The following AGXT2 variants were observed in gnomAD, a reference collection of about 807,000 sequenced individuals.
AGXT2 encodes alanine--glyoxylate aminotransferase 2, mitochondrial.
AGXT2 carries 61 observed loss-of-function variants against 62.5 expected under a neutral mutation model. The ratio of observed to expected loss-of-function variants is 0.98; its 90% CI spans 0.79 to 1.21. The LOEUF (loss-of-function observed/expected upper bound fraction) is 1.21. Ranked by LOEUF, AGXT2 falls within the 50% of genes most tolerant of loss-of-function variation. The probability of loss-of-function intolerance (pLI) is 0.00; values close to 1 mark genes in which losing one functional copy is unlikely to be tolerated. For missense variants in AGXT2, 666 were observed against 641.5 expected, an observed-to-expected ratio of 1.04 and a Z score of -0.41; for synonymous variants, 243 against 218.7, an observed-to-expected ratio of 1.11 and a Z score of -0.98.
intron 7 of AGXT2, among the ~76,000 whole-genome samples, chr5:35,029,502 T>C (rs1342277060): frequency 6.6e-6 from 1 of 152,222 alleles, no homozygotes; most frequent in Non-Finnish European, 1.5e-5. Flanking sequence ...CATTGACTCA[T>C]TGATGTAACC....
chr5:35,039,249 G>T, intron 3 of AGXT2, 75 bp downstream of exon 3: 1 of 1,503,494 alleles, frequency 6.7e-7, no homozygotes, highest in Non-Finnish European at 9.3e-7. Flanking sequence ...CAAATCAAGA[G>T]TTCAGAGTCA....
rs1767640082 is a variant in AGXT2 at position 35,033,345 on chromosome 5, C to T, written c.675+115G>A. The T allele has an allele frequency of 4.7e-6, 4 of 848,934 alleles. No homozygotes were observed. In the East Asian group the frequency reaches 1.0e-4, roughly 22 times the overall value. The allele number at this position is 848,934 out of a possible 1,614,324, so 52.6% of individuals were successfully genotyped here. A position where few individuals can be genotyped will look rare whatever the true frequency, so the allele number is the denominator to read the frequency against. On this transcript the variant is annotated intron_variant, in intron 6 of 13. Coordinates refer to ENST00000231420, the MANE Select transcript of AGXT2 (RefSeq NM_031900.4). ...AATTCAATTAGGTCAAATTGAGCCCCTGATTAATGACAGGCTTTATATTAG... is the reference window on the plus strand; with the variant it reads ...AATTCAATTAGGTCAAATTGAGCCCTTGATTAATGACAGGCTTTATATTAG...
chr5:35,016,527 C>A (rs754709700), intron 9 of AGXT2, among the ~76,000 whole-genome samples: 3 of 152,254 alleles, frequency 2.0e-5, no homozygotes, highest in South Asian at 4.2e-4. Context: ...GCAGCCCAAA[C>A]GTCTGTGGTC....
chr5:35,016,490 G>C (rs766297877), intron 9 of AGXT2, among the ~76,000 whole-genome samples: 1 of 152,114 alleles, frequency 6.6e-6, no homozygotes, highest in African/African-American at 2.4e-5. Flanking sequence ...ATTGTAACCT[G>C]ACCAAGGATG....
chr5:35,037,576 G>A (rs40199), intron 3 of AGXT2, among the ~76,000 whole-genome samples: 130,128 of 149,158 alleles, frequency 0.87, 57,074 homozygotes, highest in Middle Eastern at 0.91. Flanking sequence ...GGTTCTCACT[G>A]TGTTGCCTAG....
rs769505977 is a variant in AGXT2 at position 35,013,943 on chromosome 5, T to C, written c.1096+44A>G. On this transcript the variant is annotated intron_variant, in intron 10 of 13. Coordinates refer to ENST00000231420, the MANE Select transcript of AGXT2 (RefSeq NM_031900.4). ...ACACACGTGTTATACCATAGCCCAA[T>C]GTACGAGGCCCAGAAGCAAACACAA... 6.2e-6 allele frequency: 10 copies of C among 1,613,488 alleles called. No homozygotes were observed. The South Asian group carries it at 9.9e-5, about 16-fold the overall frequency.
rs75411474 is a variant in AGXT2, at chr5:35,009,355, G to A, written c.1338+645C>T. On this transcript the variant is annotated intron_variant, in intron 12 of 13. Transcript: ENST00000231420. ...TCATGCCTGTAATCTTAGTACTTCA[G>A]GAGGCCACGGTGGGCAGATAACTTG... is the stretch of plus-strand genomic sequence containing the variant. Among the ~76,000 whole-genome samples, 8 of 152,126 alleles carry A rather than the reference G, an allele frequency of 5.3e-5. No individual in the cohort carries two copies. The East Asian group carries it at 1.5e-3, about 29-fold the overall frequency.
intron 9 of AGXT2, among the ~76,000 whole-genome samples, chr5:35,015,555 G>A (rs767020606): frequency 2.7e-4 from 41 of 152,240 alleles, no homozygotes; most frequent in Non-Finnish European, 3.5e-4. Context: ...GCACTTAAAA[G>A]AGTGAGCTTC....
At chr5:35,006,055 A>G (rs1485494486) in intron 12 of AGXT2, among the ~76,000 whole-genome samples, 9 of 152,092 alleles carry the variant, frequency 5.9e-5, no homozygotes, top group African/African-American at 2.2e-4. Flanking sequence ...ACGTTTGGCA[A>G]TTTCCTTTTA....
intron 3 of AGXT2, 127 bp from the exon 4 acceptor site, chr5:35,037,192 A>G: frequency 2.9e-6 from 4 of 1,396,308 alleles, no homozygotes; most frequent in Non-Finnish European, 2.9e-6. Flanking sequence ...TTATTTACAC[A>G]TGAGAATAAA....
intron 9 of AGXT2, among the ~76,000 whole-genome samples, chr5:35,016,050 C>T (rs1298493034): frequency 1.3e-5 from 2 of 152,094 alleles, no homozygotes; most frequent in African/African-American, 2.4e-5. Context: ...CCTGGGTTGC[C>T]TCCTTCCTAC....
chr5:35,032,663 G>T, intron 7 of AGXT2, 69 bp downstream of exon 7: 1 of 1,316,004 alleles, frequency 7.6e-7, no homozygotes, highest in Non-Finnish European at 1.1e-6. Flanking sequence ...CCTCAGGGAT[G>T]GGTCTGCCTT....
intron 11 of AGXT2, among the ~76,000 whole-genome samples, chr5:35,011,458 T>TAAA (rs11358241): frequency 2.5e-5 from 3 of 119,780 alleles, no homozygotes; most frequent in African/African-American, 3.1e-5. Context: ...AGACTCTTTC[T>TAAA]AAAAAAAAAA....
intron 7 of AGXT2, chr5:35,027,214 G>A (rs1315234066): frequency 6.3e-6 from 1 of 159,004 alleles, no homozygotes; most frequent in Non-Finnish European, 1.3e-5. Flanking sequence ...AATGTTTAAC[G>A]CATTAAGAAG....
intron 9 of AGXT2, among the ~76,000 whole-genome samples, chr5:35,021,762 AAACT>A (rs1219070272): frequency 1.3e-5 from 2 of 151,832 alleles, no homozygotes; most frequent in African/African-American, 4.8e-5. Flanking sequence ...ACAGCAAAAG[AAACT>A]ACCATCAGAG....
chr5:35,015,869 A>G (rs1271200421), intron 9 of AGXT2, among the ~76,000 whole-genome samples: 1 of 151,522 alleles, frequency 6.6e-6, no homozygotes, highest in East Asian at 1.9e-4. Flanking sequence ...AAAAAAAAAA[A>G]AAAAGAGTGA....
In AGXT2 at chr5:35,039,389, A is replaced by G. The variant is rs369997492; in HGVS notation, c.297T>C (p.Ala99=). 5.0e-6 allele frequency: 8 copies of G among 1,614,180 alleles called. No homozygotes were observed. The South Asian group carries it at 8.8e-5, about 18-fold the overall frequency. The change falls in exon 3 of 14, where the codon GCT becomes GCC. Residue 99 remains alanine, a synonymous_variant. Transcript: ENST00000231420. ...AGAAATCCAGGTATCTGCTTCCTTCAGCATCAAAGAGCCACTCCATGTGCC... is the reference window on the plus strand; with the variant it reads ...AGAAATCCAGGTATCTGCTTCCTTCGGCATCAAAGAGCCACTCCATGTGCC... ...HQGHMEWLFD[A]EGSRYLDFFS...
chr5:35,046,090 C>T (rs1768194076), intron 1 of AGXT2, among the ~76,000 whole-genome samples: 1 of 152,118 alleles, frequency 6.6e-6, no homozygotes, highest in South Asian at 2.1e-4. Context: ...TCCAAGACTG[C>T]TTCCCTGTAG....
At chr5:35,037,500 T>TTCCC (rs1767822770) in intron 3 of AGXT2, among the ~76,000 whole-genome samples, 1 of 151,932 alleles carries the variant, frequency 6.6e-6, no homozygotes, top group Non-Finnish European at 1.5e-5. Context: ...TCAGTAGTTC[T>TTCCC]TCCCTCCCTC....
Sources: gnomAD v4.1 joint callset for allele counts (sites outside exome capture counted in the v4.1 genomes callset) on GRCh38, gnomAD v4.1.1 for gene constraint, MANE v1.5 for transcripts, NCBI Gene and HGNC (gene_info 2026-07-23, HGNC 2026-07-21) for gene names.